PCDH9: variants seen among roughly 807,000 people sequenced by gnomAD.
The protein encoded by PCDH9 is protocadherin 9, also known as protocadherin-9.
In PCDH9, 24 loss-of-function variants were observed where a neutral mutation model predicts 70.6. The observed-to-expected ratio is 0.34, with a 90% CI of 0.25 to 0.48. The LOEUF is 0.48. Among genes scored for constraint, PCDH9 ranks in the 20% least tolerant of loss-of-function variants. The pLI is 0.99. For missense variants in PCDH9, 1,281 were observed against 1,503.6 expected, an observed-to-expected ratio of 0.85 and a Z score of 2.45; for synonymous variants, 562 against 558.5, an observed-to-expected ratio of 1.01 and a Z score of -0.09.
rs1451832057 is a variant in PCDH9, at chr13:66,384,681, T to C, written c.3341-79653A>G. 2.0e-5 allele frequency among the ~76,000 whole-genome samples: 3 copies of C among 152,194 alleles called. 1 individual carries two copies. Among genetic ancestry groups the C allele is most frequent in the Middle Eastern group, 6.3e-3 (2 of 316 alleles). On this transcript the variant is annotated intron_variant, in intron 4 of 4. Coordinates refer to ENST00000377865, the MANE Select transcript of PCDH9 (RefSeq NM_203487.3). ...TAATTTTACTTATTTATTTACTTAT[T>C]TGAGGTGGAGTTTCACTCTGACACT...
At chr13:66,330,751 T>C (rs1955928851) in intron 4 of PCDH9, among the ~76,000 whole-genome samples, 1 of 152,204 alleles carries the variant, frequency 6.6e-6, no homozygotes, top group Non-Finnish European at 1.5e-5. Flanking sequence ...ACCTTGCATG[T>C]AATCATACAA....
At chr13:66,723,679 G>A (rs1309142161) in intron 3 of PCDH9, among the ~76,000 whole-genome samples, 2 of 152,120 alleles carry the variant, frequency 1.3e-5, no homozygotes, top group African/African-American at 4.8e-5. Context: ...GTCAAAGAGG[G>A]TAAAAGAGGT....
intron 2 of PCDH9, chr13:67,219,092 A>T (rs529888366): frequency 6.6e-6 from 1 of 152,076 alleles, no homozygotes; most frequent in Non-Finnish European, 1.5e-5. Flanking sequence ...TATCAGAGAC[A>T]AACTGTCTAT....
intron 2 of PCDH9, among the ~76,000 whole-genome samples, chr13:66,934,418 G>T (rs1594280498): frequency 1.3e-5 from 2 of 151,422 alleles, no homozygotes; most frequent in African/African-American, 2.4e-5. Context: ...GCGAGTGCCT[G>T]CAATCCCAGC....
chr13:66,700,352 C>T (rs1192969714), intron 3 of PCDH9, among the ~76,000 whole-genome samples: 3 of 152,092 alleles, frequency 2.0e-5, no homozygotes, highest in Admixed American at 6.6e-5. Flanking sequence ...AGTGTCATTC[C>T]GTTCCCTTCT....
chr13:67,032,152 T>TG (rs951918232), intron 2 of PCDH9, among the ~76,000 whole-genome samples: 20 of 151,918 alleles, frequency 1.3e-4, no homozygotes, highest in African/African-American at 2.9e-4. Flanking sequence ...ACCACTTTTT[T>TG]GGGGGGGTGA....
intron 4 of PCDH9, among the ~76,000 whole-genome samples, chr13:66,545,797 A>G (rs557036272): frequency 2.4e-5 from 3 of 126,714 alleles, no homozygotes; most frequent in African/African-American, 5.5e-5. Flanking sequence ...TATACCTTTC[A>G]TTTTTATTTT....
chr13:67,040,097 C>T lies in PCDH9; in HGVS notation c.3037-136492G>A, dbSNP rs558489560. Among the ~76,000 whole-genome samples the T allele has an allele frequency of 4.6e-5, 7 of 152,224 alleles. No individual in the cohort carries two copies. The South Asian group carries it at 1.5e-3, about 32-fold the overall frequency. On this transcript the variant is annotated intron_variant, in intron 2 of 4. Transcript: ENST00000377865. ...CAATCACATTAATGTGACTTGTTTA[C>T]AAATATAAACATACAGATCATATTA...
chr13:66,852,577 C>T lies in PCDH9; in HGVS notation c.3138+50927G>A, dbSNP rs538383716. Among the ~76,000 whole-genome samples, 25 of 152,238 alleles carry T rather than the reference C, an allele frequency of 1.6e-4. No individual in the cohort carries two copies. The South Asian group carries it at 5.2e-3, about 32-fold the overall frequency. On this transcript the variant is annotated intron_variant, in intron 3 of 4. Transcript: ENST00000377865. ...TCTCCAAGGCCAAATTCACAACACC[C>T]CTTCCCCCAAAGTGACACCCTTCTT...
intron 3 of PCDH9, among the ~76,000 whole-genome samples, chr13:66,669,919 T>C (rs900324039): frequency 2.0e-5 from 3 of 152,206 alleles, no homozygotes; most frequent in Non-Finnish European, 2.9e-5. Flanking sequence ...ATGATCATAT[T>C]TGTTCAAAAG....
chr13:67,093,510 A>G (rs1284864476), intron 2 of PCDH9, among the ~76,000 whole-genome samples: 5 of 152,112 alleles, frequency 3.3e-5, no homozygotes, highest in African/African-American at 1.2e-4. Flanking sequence ...ATTGTCAACT[A>G]TACTCTCAGA....
At chr13:66,575,076 G>A (rs1045960070) in intron 4 of PCDH9, among the ~76,000 whole-genome samples, 1 of 151,886 alleles carries the variant, frequency 6.6e-6, no homozygotes, top group African/African-American at 2.4e-5. Context: ...GGGAGGCAGA[G>A]GCAGGAGAAG....
chr13:66,362,565 A>G (rs1361931810), intron 4 of PCDH9, among the ~76,000 whole-genome samples: 2 of 152,158 alleles, frequency 1.3e-5, no homozygotes, highest in Non-Finnish European at 2.9e-5. Context: ...GTACTACTGG[A>G]CATATTTTTT....
At chr13:67,091,532 C>A (rs1249097151) in intron 2 of PCDH9, among the ~76,000 whole-genome samples, 2 of 152,136 alleles carry the variant, frequency 1.3e-5, no homozygotes, top group Non-Finnish European at 2.9e-5. Context: ...GCCCAACAAT[C>A]TGAGATGGCA....
intron 3 of PCDH9, among the ~76,000 whole-genome samples, chr13:66,805,952 G>GA (rs1011181802): frequency 2.6e-5 from 4 of 151,516 alleles, no homozygotes; most frequent in South Asian, 2.1e-4. Context: ...ATCAACTCTA[G>GA]AAAAAAAACA....
intron 4 of PCDH9, among the ~76,000 whole-genome samples, chr13:66,488,823 A>G (rs1356095821): frequency 1.3e-5 from 2 of 152,170 alleles, no homozygotes; most frequent in East Asian, 3.8e-4. Flanking sequence ...CATCTTGAGG[A>G]AAATAAAATT....
chr13:66,748,241 T>C (rs911964963), intron 3 of PCDH9, among the ~76,000 whole-genome samples: 2 of 152,228 alleles, frequency 1.3e-5, no homozygotes, highest in African/African-American at 4.8e-5. Flanking sequence ...AATAGTTGAA[T>C]ATAAAATGGA....
chr13:66,779,849 C>CTCTCTCTCTATATATA (rs1395244975), intron 3 of PCDH9, among the ~76,000 whole-genome samples: 26 of 78,906 alleles, frequency 3.3e-4, no homozygotes, highest in African/African-American at 1.3e-3. Flanking sequence ...CTCTCTCTCT[C>CTCTCTCTCTATATATA]TATATATATA....
intron 4 of PCDH9, among the ~76,000 whole-genome samples, chr13:66,469,515 A>G (rs1201250101): frequency 6.6e-6 from 1 of 151,678 alleles, no homozygotes; most frequent in Admixed American, 6.6e-5. Context: ...GAAGGGAGGG[A>G]GGGAATAACT....
Sources: gnomAD v4.1 joint callset for allele counts (sites outside exome capture counted in the v4.1 genomes callset) on GRCh38, gnomAD v4.1.1 for gene constraint, MANE v1.5 for transcripts, NCBI Gene and HGNC (gene_info 2026-07-23, HGNC 2026-07-21) for gene names.